KCNU1: variants seen among roughly 807,000 people sequenced by gnomAD.
KCNU1 encodes the protein potassium calcium-activated channel subfamily U member 1.
KCNU1 carries 93 observed loss-of-function variants against 126.8 expected under a neutral mutation model. That is an observed-to-expected ratio of 0.73 (90% confidence interval 0.62 to 0.87). KCNU1 has a LOEUF of 0.87. Among genes scored for constraint, KCNU1 ranks in the 40% least tolerant of loss-of-function variants. The pLI is 0.00. For missense variants in KCNU1, 1,330 were observed against 1,367.1 expected (o/e 0.97, Z 0.43); for synonymous variants, 523 against 494.2 (o/e 1.06, Z -0.77).
At chr8:36,902,700 A>T (rs577600756) in intron 19 of KCNU1, among the ~76,000 whole-genome samples, 1 of 152,198 alleles carries the variant, frequency 6.6e-6, no homozygotes, top group South Asian at 2.1e-4. Context: ...ATCATTCATC[A>T]ATGCTCCAAA....
At chr8:36,874,931 C>A (rs1039035060) in intron 19 of KCNU1, among the ~76,000 whole-genome samples, 1 of 151,968 alleles carries the variant, frequency 6.6e-6, no homozygotes, top group Non-Finnish European at 1.5e-5. Context: ...TTCCTTAGAA[C>A]CCCTCTGTTC....
intron 1 of KCNU1, among the ~76,000 whole-genome samples, chr8:36,785,689 A>G (rs1185945079): frequency 6.6e-6 from 1 of 152,190 alleles, no homozygotes; most frequent in Non-Finnish European, 1.5e-5. Flanking sequence ...AATAGCTATG[A>G]TGGATCTGCC....
In KCNU1 at chr8:36,841,034, GTTTTTTTTT is replaced by G. The variant is rs756308750; in HGVS notation, c.1703+45_1703+53del. 5.8e-5 allele frequency: 33 copies of G among 564,672 alleles called. No homozygotes were observed. The African/African-American group carries it at 6.6e-4, about 11-fold the overall frequency. 35.0% of individuals were successfully genotyped at this position (564,672 alleles called of 1,614,324 possible). Reference sequence around the variant, plus strand: ...AATAAGTCTGCTCATCTCTTCAGTTGTTTTTTTTTTTTTTTTTTTTTTCCTGGAGATTCT... The same window carrying G: ...AATAAGTCTGCTCATCTCTTCAGTTGTTTTTTTTTTTTTCCTGGAGATTCT... On this transcript the variant is annotated intron_variant, in intron 16 of 26. Coordinates refer to ENST00000399881, the MANE Select transcript of KCNU1 (RefSeq NM_001031836.3).
At chr8:36,879,191 ATGTGTGTGTG>A (rs767490761) in intron 19 of KCNU1, among the ~76,000 whole-genome samples, 2 of 114,974 alleles carry the variant, frequency 1.7e-5, no homozygotes, top group African/African-American at 6.4e-5. Flanking sequence ...GCATATATGT[ATGTGTGTGTG>A]TGTGTGTGTG....
At chr8:36,900,821 T>C (rs190165357) in intron 19 of KCNU1, among the ~76,000 whole-genome samples, 144 of 152,192 alleles carry the variant, frequency 9.5e-4, no homozygotes, top group African/African-American at 3.1e-3. Context: ...TTCAAAAGAT[T>C]GAACCAAGAA....
chr8:36,804,788 T>C (rs951604104), intron 3 of KCNU1, among the ~76,000 whole-genome samples: 2 of 152,214 alleles, frequency 1.3e-5, no homozygotes, highest in Non-Finnish European at 1.5e-5. Flanking sequence ...GAGATTTTCT[T>C]TGAAATTGGT....
chr8:36,875,329 TATACATACCA>T (rs1490713912), intron 19 of KCNU1, among the ~76,000 whole-genome samples: 3 of 150,156 alleles, frequency 2.0e-5, no homozygotes, highest in African/African-American at 7.3e-5. Flanking sequence ...ATGACTTATT[TATACATACCA>T]ATACATACAT....
chr8:36,885,860 G>A (rs879467316), intron 19 of KCNU1, among the ~76,000 whole-genome samples: 3 of 152,096 alleles, frequency 2.0e-5, no homozygotes, highest in Non-Finnish European at 4.4e-5. Flanking sequence ...TGCTCTCCAG[G>A]GAAAAAATAC....
chr8:36,931,054 T>C lies in KCNU1; in HGVS notation c.2840T>C (p.Val947Ala), dbSNP rs766917242. The C allele has an allele frequency of 1.9e-6, 3 of 1,611,806 alleles. No homozygotes were observed. In the East Asian group the frequency reaches 6.7e-5, roughly 36 times the overall value. ...TTAGATAAGGATAAAGTCTATGGTG[T>C]GGCAGATAGCTGCACGTCGCTCTTG... ...QHLDKDKVYG[V>A]ADSCTSLLSG... Residue 947 changes from valine to alanine, a missense_variant, in exon 25 of 27, where the codon GTG becomes GCG. Val to Ala is a moderately conservative substitution (Grantham distance 64). Around this residue, in one of 3 missense-constraint regions of KCNU1, gnomAD observed 1,054 missense variants for 1,053.9 expected, o/e 1.00. Coordinates refer to ENST00000399881, the MANE Select transcript of KCNU1 (RefSeq NM_001031836.3).
In KCNU1 at chr8:36,864,539, C is replaced by A. The variant is rs367575722; in HGVS notation, c.2009+18C>A. ...ACCACCAGGTAAAAGCTGCAGAGAA[C>A]CCTGGTCTCCTATAGTTTTTTTGAG... On this transcript the variant is annotated intron_variant, in intron 19 of 26. Coordinates refer to ENST00000399881, the MANE Select transcript of KCNU1 (RefSeq NM_001031836.3). 257 of 1,398,058 alleles carry A rather than the reference C, an allele frequency of 1.8e-4. No individual in the cohort carries two copies. Among genetic ancestry groups the A allele is most frequent in the Non-Finnish European group, 2.5e-4 (242 of 983,284 alleles). The allele number at this position is 1,398,058 out of a possible 1,614,324, so 86.6% of individuals were successfully genotyped here. A position where few individuals can be genotyped will look rare whatever the true frequency, so the allele number is the denominator to read the frequency against.
intron 18 of KCNU1, among the ~76,000 whole-genome samples, chr8:36,854,634 G>A (rs1333908208): frequency 6.6e-6 from 1 of 151,718 alleles, no homozygotes; most frequent in East Asian, 1.9e-4. Flanking sequence ...ATTCCTTTTG[G>A]TTATTTATAT....
chr8:36,928,806 G>A (rs1808608652), intron 24 of KCNU1: 1 of 514,476 alleles, frequency 1.9e-6, no homozygotes, highest in South Asian at 2.7e-5. Context: ...TCATCTTCAG[G>A]AAGTATTGCT....
intron 18 of KCNU1, among the ~76,000 whole-genome samples, chr8:36,857,632 GT>G (rs55864395): frequency 2.0e-5 from 3 of 151,720 alleles, no homozygotes; most frequent in African/African-American, 7.3e-5. Flanking sequence ...TTTGTTTTTT[GT>G]TTTTTTGTTT....
Position 36,814,289 on chromosome 8 carries a change from C to A in KCNU1, c.815C>A (p.Ala272Glu). 1 of 1,612,676 alleles carries A rather than the reference C, an allele frequency of 6.2e-7. No individual in the cohort carries two copies. The highest frequency in any genetic ancestry group is 8.5e-7 in the Non-Finnish European group (1 of 1,179,044). Residue 272 changes from alanine to glutamate, a missense_variant, in exon 8 of 27, where the codon GCA becomes GAA. Transcript: ENST00000399881. ...SYFESIYLVM[A>E]TTSTVGFGDV... Reference sequence around the variant, plus strand: ...TTTGAGTCAATTTACCTGGTCATGGCAACAACGTCAACCGTTGGATTTGGA... The same window carrying A: ...TTTGAGTCAATTTACCTGGTCATGGAAACAACGTCAACCGTTGGATTTGGA...
At chr8:36,846,995 T>G (rs755469641) in intron 18 of KCNU1, among the ~76,000 whole-genome samples, 1 of 152,210 alleles carries the variant, frequency 6.6e-6, no homozygotes, top group Non-Finnish European at 1.5e-5. Flanking sequence ...TGAGTGTTCT[T>G]GCAGTGAACC....
At chr8:36,852,152 A>C (rs1805372903) in intron 18 of KCNU1, among the ~76,000 whole-genome samples, 1 of 152,082 alleles carries the variant, frequency 6.6e-6, no homozygotes, top group South Asian at 2.1e-4. Flanking sequence ...ATTTTATTCT[A>C]TTAATATGGT....
At position 36,910,662 on chromosome 8, in the gene KCNU1, G is replaced by A. The variant is rs1168818182; in HGVS notation, c.2332-268G>A. Among the ~76,000 whole-genome samples the A allele has an allele frequency of 2.0e-5, 3 of 152,142 alleles. No individual in the cohort carries two copies. In the South Asian group the frequency reaches 6.2e-4, roughly 32 times the overall value. On this transcript the variant is annotated intron_variant, in intron 21 of 26. Transcript: ENST00000399881. ...CTTCTTCCACCTGAGTCAGTGGCAC[G>A]GACTTACGTTCCTCCCTCCCCACTC...
At chr8:36,934,262 C>T (rs1463867136) in intron 26 of KCNU1, among the ~76,000 whole-genome samples, 1 of 152,062 alleles carries the variant, frequency 6.6e-6, no homozygotes, top group Non-Finnish European at 1.5e-5. Context: ...TTGTAAACCA[C>T]ATAGACACTG....
chr8:36,784,530 C>T lies in KCNU1; in HGVS notation c.120C>T (p.Ile40=), dbSNP rs753998386. Residue 40 remains isoleucine, a synonymous_variant, in exon 1 of 27, where the codon ATC becomes ATT. Coordinates refer to ENST00000399881, the MANE Select transcript of KCNU1 (RefSeq NM_001031836.3). ...SSFVTFFSGL[I]ILLIFRLIWR... ...TTGTGACCTTCTTCAGTGGACTCAT[C>T]ATCCTGTTGATCTTCAGGCTGATCT... 6.2e-7 allele frequency: 1 copy of T among 1,613,792 alleles called. No individual in the cohort carries two copies. The highest frequency in any genetic ancestry group is 1.7e-5 in the Admixed American group (1 of 60,026).
Sources: allele counts gnomAD v4.1 joint callset (sites outside exome capture counted in the v4.1 genomes callset), GRCh38; gene constraint gnomAD v4.1.1; regional missense constraint gnomAD v4.1.1; transcripts MANE v1.5; gene names NCBI Gene and HGNC (gene_info 2026-07-23, HGNC 2026-07-21).